CLGN: variants seen among roughly 807,000 people sequenced by gnomAD.
CLGN encodes calmegin, also known as testis tissue sperm-binding protein Li 79P.
Under a neutral mutation model 79.1 loss-of-function variants are expected in CLGN, and 62 were observed. The ratio of observed to expected loss-of-function variants is 0.78; its 90% confidence interval spans 0.64 to 0.97. The LOEUF is 0.97. CLGN is among the 50% of genes least tolerant of loss of function. CLGN has a pLI of 0.00. For synonymous variants in CLGN, 225 were observed against 224.7 expected (o/e 1.00, Z -0.01); for missense variants, 647 against 715.5 (o/e 0.90, Z 1.09).
At position 140,389,324 on chromosome 4, in the gene CLGN, A is replaced by G; in HGVS notation, c.1753-20T>C. ...TTTCATCTAGAAAAAATAATTATGA[A>G]AAGGTTTCTTTTAGTATAACACATA... is the stretch of plus-strand genomic sequence containing the variant. On this transcript the variant is annotated intron_variant, in intron 14 of 14. Transcript: ENST00000325617. 6.3e-7 allele frequency: 1 copy of G among 1,597,182 alleles called. No homozygotes were observed. Among genetic ancestry groups the G allele is most frequent in the Non-Finnish European group, 8.6e-7 (1 of 1,166,116 alleles).
intron 8 of CLGN, among the ~76,000 whole-genome samples, chr4:140,397,080 C>T (rs1350201961): frequency 1.3e-5 from 2 of 151,430 alleles, no homozygotes; most frequent in African/African-American, 2.4e-5. Context: ...TAGTGAATGT[C>T]CTAGAATATA....
intron 1 of CLGN, among the ~76,000 whole-genome samples, chr4:140,414,803 C>T (rs1378362861): frequency 2.0e-5 from 3 of 150,162 alleles, no homozygotes; most frequent in African/African-American, 7.5e-5. Context: ...AGAACTTCCC[C>T]AATCTAGCAA....
chr4:140,391,909 C>G (rs538961734), intron 13 of CLGN, among the ~76,000 whole-genome samples: 3 of 151,954 alleles, frequency 2.0e-5, no homozygotes, highest in Admixed American at 6.6e-5. Context: ...CACCCTCCAT[C>G]TCATCTTCTA....
intron 6 of CLGN, among the ~76,000 whole-genome samples, chr4:140,401,374 A>G (rs1728996583): frequency 1.3e-5 from 2 of 152,170 alleles, no homozygotes; most frequent in South Asian, 4.1e-4. Flanking sequence ...TCTCCCATCT[A>G]CATTTCATAG....
chr4:140,389,493 T>C (rs1728734671), intron 14 of CLGN, among the ~76,000 whole-genome samples, 189 bp from the exon 15 acceptor site: 2 of 151,838 alleles, frequency 1.3e-5, no homozygotes, highest in African/African-American at 4.8e-5. Flanking sequence ...TCCAGCTCAC[T>C]GACACATACA....
At chr4:140,420,757 G>A (rs1729455073) in intron 1 of CLGN, among the ~76,000 whole-genome samples, 1 of 152,062 alleles carries the variant, frequency 6.6e-6, no homozygotes, top group African/African-American at 2.4e-5. Flanking sequence ...CTTAGAGAGA[G>A]GTATGCTATT....
At chr4:140,398,260 ACT>A (rs1728930683) in intron 8 of CLGN, among the ~76,000 whole-genome samples, 1 of 133,024 alleles carries the variant, frequency 7.5e-6, no homozygotes, top group East Asian at 2.2e-4. Context: ...GGGCAAACAT[ACT>A]CTTTTTTTTT....
Position 140,413,000 on chromosome 4 carries a change from C to T in CLGN, c.79G>A (p.Glu27Lys). ...INAEFMDDDV[E>K]TEDFEENSEE... is the part of the protein sequence containing the mutation. ...GAATTTTCTTCAAAGTCTTCCGTCT[C>T]AACATCATCATCCATAAATTCTGCA... The change falls in exon 2 of 15, where the codon GAG (glutamate) becomes AAG (lysine). Residue 27 changes from glutamate (E) to lysine (K), a missense_variant. Transcript: ENST00000325617. 1.2e-6 allele frequency: 2 copies of T among 1,613,456 alleles called. No individual in the cohort carries two copies. Among genetic ancestry groups the T allele is most frequent in the South Asian group, 2.2e-5 (2 of 91,054 alleles).
At chr4:140,408,705 TTATACAC>T (rs1729153591) in intron 4 of CLGN, among the ~76,000 whole-genome samples, 1 of 151,846 alleles carries the variant, frequency 6.6e-6, no homozygotes, top group Non-Finnish European at 1.5e-5. Flanking sequence ...AAGGGAACAT[TTATACAC>T]TGCTGGTGCA....
chr4:140,405,164 ATT>A lies in CLGN; in HGVS notation c.419+776_419+777del, dbSNP rs33924118. The stretch of plus-strand genomic sequence containing the variant: ...TTGTTTAATATTTTGATAACAAGTA[ATT>A]TTTTTTATTTTTATTTTTTTTTTTA... On this transcript the variant is annotated intron_variant, in intron 5 of 14. Coordinates refer to ENST00000325617, the MANE Select transcript of CLGN (RefSeq NM_004362.3). Among the ~76,000 whole-genome samples, 15 of 85,346 alleles carry A rather than the reference ATT, an allele frequency of 1.8e-4. No individual in the cohort carries two copies. The East Asian group carries it at 2.5e-3, about 14-fold the overall frequency. The allele number at this position is 85,346 out of a possible 152,430, so 56.0% of individuals were successfully genotyped here. A position where few individuals can be genotyped will look rare whatever the true frequency, so the allele number is the denominator to read the frequency against.
At position 140,388,517 on chromosome 4, in the gene CLGN, A is replaced by G. The variant is rs1302424729; in HGVS notation, c.*707T>C. The G allele has an allele frequency of 6.6e-6, 1 of 151,838 alleles. No homozygotes were observed. The highest frequency in any genetic ancestry group is 2.4e-5 in the African/African-American group (1 of 41,436). The allele number at this position is 151,838 out of a possible 1,614,324, so 9.4% of individuals were successfully genotyped here. On this transcript the variant is annotated 3_prime_UTR_variant, in exon 15 of 15. Coordinates refer to ENST00000325617, the MANE Select transcript of CLGN (RefSeq NM_004362.3). Reference sequence around the variant, plus strand: ...AATGTATGCATAAGAAATTTTGTGAATGGGGTAAACCACTCTGGCATAAAG... The same window carrying G: ...AATGTATGCATAAGAAATTTTGTGAGTGGGGTAAACCACTCTGGCATAAAG...
At chr4:140,403,749 T>A (rs189170411) in intron 5 of CLGN, among the ~76,000 whole-genome samples, 119 of 152,306 alleles carry the variant, frequency 7.8e-4, no homozygotes, top group Admixed American at 2.3e-3. Flanking sequence ...CTGCAAACTT[T>A]TAGAGTTTTC....
intron 1 of CLGN, among the ~76,000 whole-genome samples, chr4:140,420,295 C>G (rs1356529603): frequency 2.0e-5 from 3 of 152,126 alleles, no homozygotes; most frequent in African/African-American, 7.2e-5. Context: ...CCTGACTTTT[C>G]CTTAGAAATA....
At position 140,395,886 on chromosome 4, in the gene CLGN, G is replaced by A. The variant is rs1728864461; in HGVS notation, c.1082C>T (p.Pro361Leu). Residue 361 changes from proline to leucine, a missense_variant, in exon 10 of 15, where the codon CCC becomes CTC. Coordinates refer to ENST00000325617, the MANE Select transcript of CLGN (RefSeq NM_004362.3). ...TTTGTATTTTGGGTTATCTATCATG[G>A]GAGGTTTCCACTCACCACACCCAAT... ...CRIGCGEWKP[P>L]MIDNPKYKGV... 6.2e-7 allele frequency: 1 copy of A among 1,600,100 alleles called. No homozygotes were observed. Among genetic ancestry groups the A allele is most frequent in the Admixed American group, 1.8e-5 (1 of 56,596 alleles).
intron 8 of CLGN, among the ~76,000 whole-genome samples, chr4:140,397,068 C>T (rs4956409): frequency 0.9 from 135,535 of 151,122 alleles, 60,828 homozygotes; most frequent in Non-Finnish European, 0.92. Flanking sequence ...CAAACAATGC[C>T]ATAGTGAATG....
At chr4:140,407,781 T>C (rs1328221931) in intron 4 of CLGN, among the ~76,000 whole-genome samples, 1 of 151,944 alleles carries the variant, frequency 6.6e-6, no homozygotes, top group African/African-American at 2.4e-5. Context: ...ACAGATTCAG[T>C]GTGATTATTG....
chr4:140,405,330 G>A lies in CLGN; in HGVS notation c.419+612C>T, dbSNP rs1275213731. On this transcript the variant is annotated intron_variant, in intron 5 of 14. Coordinates refer to ENST00000325617, the MANE Select transcript of CLGN (RefSeq NM_004362.3). The stretch of plus-strand genomic sequence containing the variant: ...CTCCCAAGTAGCTGGGACTACAGGC[G>A]CCCGCCACTACGCCCGGCTAATTTT... Among the ~76,000 whole-genome samples the A allele has an allele frequency of 2.4e-4, 36 of 147,850 alleles. 1 individual carries two copies. The South Asian group carries it at 6.7e-3, about 27-fold the overall frequency.
rs780468849 is a variant in CLGN, at chr4:140,388,574, A to G, written c.*650T>C. 1 of 151,890 alleles carries G rather than the reference A, an allele frequency of 6.6e-6. No individual in the cohort carries two copies. Among genetic ancestry groups the G allele is most frequent in the Non-Finnish European group, 1.5e-5 (1 of 67,804 alleles). 9.4% of individuals were successfully genotyped at this position (151,890 alleles called of 1,614,324 possible). ...TAAAAACTTGAAAAAAAATCTGTAC[A>G]TCATTTTGTTTTGATAAAACCCATT... On this transcript the variant is annotated 3_prime_UTR_variant, in exon 15 of 15. Coordinates refer to ENST00000325617, the MANE Select transcript of CLGN (RefSeq NM_004362.3).
intron 7 of CLGN, 93 bp from the exon 8 acceptor site, chr4:140,399,133 G>A: frequency 9.7e-7 from 1 of 1,030,462 alleles, no homozygotes. Flanking sequence ...TAACTCCATG[G>A]GTAAAGCTTT....
Sources: allele counts gnomAD v4.1 joint callset (sites outside exome capture counted in the v4.1 genomes callset), GRCh38; gene constraint gnomAD v4.1.1; transcripts MANE v1.5; gene names NCBI Gene and HGNC (gene_info 2026-07-23, HGNC 2026-07-21).